Variants in PRDM16 observed in about 807,000 individuals in gnomAD.
The protein encoded by PRDM16 is histone-lysine N-methyltransferase PRDM16.
A neutral mutation model predicts 110.6 loss-of-function variants in PRDM16; 23 were observed. The ratio of observed to expected loss-of-function variants is 0.21; its 90% CI spans 0.15 to 0.29. PRDM16 has a LOEUF of 0.29. Among genes scored for constraint, PRDM16 ranks in the 10% least tolerant of loss-of-function variants. PRDM16 has a pLI of 1.00. For synonymous variants in PRDM16, 799 were observed against 781.8 expected (o/e 1.02, Z -0.37); for missense variants, 1,615 against 1,794.3 (o/e 0.90, Z 1.81).
chr1:3,426,261 C>T, intron 14 of PRDM16, 36 bp downstream of exon 14: 1 of 1,593,398 alleles, frequency 6.3e-7, no homozygotes, highest in Non-Finnish European at 8.6e-7. Flanking sequence ...AAAGTCTGGA[C>T]CCGGCCAACA....
chr1:3,303,636 C>T lies in PRDM16; in HGVS notation c.438+59499C>T, dbSNP rs188774181. Among the ~76,000 whole-genome samples, 48 of 152,342 alleles carry T rather than the reference C, an allele frequency of 3.2e-4. No individual in the cohort carries two copies. The East Asian group carries it at 6.0e-3, about 19-fold the overall frequency. ...TTTGTTTAACTTTTTGAGGAACTGT[C>T]AGACTGTTCTCCATGGCGGCTGCAC... On this transcript the variant is annotated intron_variant, in intron 3 of 16. Coordinates refer to ENST00000270722, the MANE Select transcript of PRDM16 (RefSeq NM_022114.4).
intron 3 of PRDM16, among the ~76,000 whole-genome samples, chr1:3,377,094 C>G (rs952427546): frequency 1.1e-4 from 17 of 152,268 alleles, no homozygotes; most frequent in Admixed American, 9.2e-4. Flanking sequence ...GCGCATGTGC[C>G]TATGACAGCC....
Position 3,143,355 on chromosome 1 carries a change from C to A in PRDM16, c.38-42770C>A, listed in dbSNP as rs907753648. 5.3e-5 allele frequency among the ~76,000 whole-genome samples: 8 copies of A among 152,228 alleles called. No individual in the cohort carries two copies. The highest frequency in any genetic ancestry group is 1.9e-4 in the African/African-American group (8 of 41,462). ...GACCCTCAGGCAGTAGGGCTCCAAG[C>A]ACCAGCCCCTCGCCCCAGTCCCAGC... On this transcript the variant is annotated intron_variant, in intron 1 of 16. Coordinates refer to ENST00000270722, the MANE Select transcript of PRDM16 (RefSeq NM_022114.4). The surrounding 1 kb of genome is among the most constrained non-coding windows in gnomAD (Gnocchi z 4.5).
At chr1:3,296,924 C>T (rs1319485888) in intron 3 of PRDM16, among the ~76,000 whole-genome samples, 5 of 152,312 alleles carry the variant, frequency 3.3e-5, no homozygotes, top group Middle Eastern at 3.4e-3. Context: ...CACCTTAACG[C>T]GCTCAGACAC....
chr1:3,426,994 G>C (rs1012644906), intron 14 of PRDM16, among the ~76,000 whole-genome samples: 2 of 152,232 alleles, frequency 1.3e-5, no homozygotes, highest in South Asian at 4.1e-4. Flanking sequence ...CTACACACAC[G>C]CATATGCACA....
chr1:3,316,855 TG>T (rs1641618242), intron 3 of PRDM16, among the ~76,000 whole-genome samples: 1 of 151,796 alleles, frequency 6.6e-6, no homozygotes, highest in South Asian at 2.1e-4. Flanking sequence ...CAGGAAACAG[TG>T]ACACAGTGGA....
chr1:3,395,015 C>T (rs993126637), intron 4 of PRDM16, among the ~76,000 whole-genome samples: 2 of 152,222 alleles, frequency 1.3e-5, no homozygotes, highest in African/African-American at 4.8e-5. Flanking sequence ...TGACAGAGGC[C>T]GTGCACCTGC....
chr1:3,115,529 C>T (rs571010432), intron 1 of PRDM16, among the ~76,000 whole-genome samples: 4 of 152,338 alleles, frequency 2.6e-5, no homozygotes, highest in East Asian at 3.9e-4. Context: ...TAGCGAGTGG[C>T]GTTTATGTGG....
chr1:3,408,439 C>A (rs1402454164), intron 8 of PRDM16, among the ~76,000 whole-genome samples: 2 of 152,244 alleles, frequency 1.3e-5, no homozygotes, highest in Admixed American at 6.5e-5. Flanking sequence ...TCCCACTGGG[C>A]ACTTTGCAGA....
At chr1:3,219,474 G>A (rs1403469336) in intron 2 of PRDM16, among the ~76,000 whole-genome samples, 1 of 152,214 alleles carries the variant, frequency 6.6e-6, no homozygotes, top group Non-Finnish European at 1.5e-5. Flanking sequence ...TGGGGCGGGG[G>A]AAGGGGTCCA....
chr1:3,186,717 T>C, intron 2 of PRDM16: 1 of 460,254 alleles, frequency 2.2e-6, no homozygotes, highest in South Asian at 5.0e-5. Flanking sequence ...CGGAAATGTG[T>C]CTTTCATGAG....
chr1:3,416,822 C>T (rs560412606), intron 10 of PRDM16, among the ~76,000 whole-genome samples: 1 of 152,326 alleles, frequency 6.6e-6, no homozygotes, highest in Non-Finnish European at 1.5e-5. Flanking sequence ...CCTGTTTTGC[C>T]TTTTGCTACC....
chr1:3,146,577 T>C (rs1313229856), intron 1 of PRDM16, among the ~76,000 whole-genome samples: 1 of 130,746 alleles, frequency 7.6e-6, no homozygotes, highest in East Asian at 2.3e-4. Flanking sequence ...GTGTGCTCGG[T>C]GTGGGGCATA....
In PRDM16 at chr1:3,134,895, G is replaced by A. The variant is rs562841908; in HGVS notation, c.38-51230G>A. On this transcript the variant is annotated intron_variant, in intron 1 of 16. Transcript: ENST00000270722. Reference sequence around the variant, plus strand: ...CCGGGAGCCCACCTCCTGAGAGCCCGGCGAGGGGATCGGGCCGGGTATTAG... The same window carrying A: ...CCGGGAGCCCACCTCCTGAGAGCCCAGCGAGGGGATCGGGCCGGGTATTAG... 5.0e-4 allele frequency among the ~76,000 whole-genome samples: 76 copies of A among 152,318 alleles called. 3 individuals carry two copies. In the South Asian group the frequency reaches 0.01, roughly 21 times the overall value.
intron 4 of PRDM16, among the ~76,000 whole-genome samples, chr1:3,387,384 A>T (rs563379593): frequency 6.6e-6 from 1 of 152,352 alleles, no homozygotes; most frequent in South Asian, 2.1e-4. Context: ...CCACAAACCC[A>T]GAGGGAACTC....
chr1:3,226,801 A>G lies in PRDM16; in HGVS notation c.388-17286A>G, dbSNP rs1639299573. ...CGCAGGACTGGGTCCCCGCACGGGGACCCCAGGGAATGAGAACGGTGTCGG... is the reference window on the plus strand; with the variant it reads ...CGCAGGACTGGGTCCCCGCACGGGGGCCCCAGGGAATGAGAACGGTGTCGG... On this transcript the variant is annotated intron_variant, in intron 2 of 16. Transcript: ENST00000270722. Among the ~76,000 whole-genome samples the G allele has an allele frequency of 1.3e-5, 2 of 152,062 alleles. 1 individual carries two copies. The highest frequency in any genetic ancestry group is 4.2e-4 in the South Asian group (2 of 4,796).
intron 3 of PRDM16, among the ~76,000 whole-genome samples, chr1:3,369,050 A>G (rs894981419): frequency 1.3e-5 from 2 of 152,212 alleles, no homozygotes; most frequent in African/African-American, 4.8e-5. Flanking sequence ...CTGGGCTTAA[A>G]TAGATGTCTG....
intron 4 of PRDM16, among the ~76,000 whole-genome samples, chr1:3,387,606 C>T (rs1021362250): frequency 3.3e-5 from 5 of 152,176 alleles, no homozygotes; most frequent in African/African-American, 2.4e-5. Flanking sequence ...CCCATGTCCC[C>T]GCAAAGGTGC....
At chr1:3,330,719 G>T (rs1642024701) in intron 3 of PRDM16, among the ~76,000 whole-genome samples, 1 of 152,238 alleles carries the variant, frequency 6.6e-6, no homozygotes, top group Non-Finnish European at 1.5e-5. Flanking sequence ...GTTGGGGAGG[G>T]TGGGTTTTTG....
Sources: gnomAD v4.1 joint callset for allele counts (sites outside exome capture counted in the v4.1 genomes callset) on GRCh38, gnomAD v4.1.1 for gene constraint, Gnocchi (gnomAD v3.1) non-coding constraint, MANE v1.5 for transcripts, NCBI Gene and HGNC (gene_info 2026-07-23, HGNC 2026-07-21) for gene names.